Variants in FMN1 observed in about 807,000 individuals in gnomAD.
FMN1 encodes formin-1.
Under a neutral mutation model 132.4 loss-of-function variants are expected in FMN1, and 110 were observed. The observed-to-expected ratio is 0.83, with a 90% CI of 0.71 to 0.97. FMN1 has a LOEUF of 0.97. FMN1 is among the 50% of genes least tolerant of loss of function. The pLI, the probability that FMN1 is intolerant of heterozygous loss-of-function variation, is 0.00. For synonymous variants in FMN1, 722 were observed against 651.7 expected, an observed-to-expected ratio of 1.11 and a Z score of -1.64; for missense variants, 1,792 against 1,705.3, an observed-to-expected ratio of 1.05 and a Z score of -0.90.
At position 32,767,861 on chromosome 15, in the gene FMN1, G is replaced by GT. The variant is rs899144866; in HGVS notation, c.*6448dup. 2.1e-4 allele frequency: 32 copies of GT among 152,142 alleles called. No individual in the cohort carries two copies. The highest frequency in any genetic ancestry group is 6.8e-4 in the African/African-American group (28 of 41,432). 9.4% of individuals were successfully genotyped at this position (152,142 alleles called of 1,614,324 possible). ...GACTTTCCCTCTCACTCATGGATTT[G>GT]TTTTCAATGGAAATGGAAGCCTTCC... On this transcript the variant is annotated 3_prime_UTR_variant, in exon 21 of 21. Coordinates refer to ENST00000616417, the MANE Select transcript of FMN1 (RefSeq NM_001277313.2).
intron 19 of FMN1, among the ~76,000 whole-genome samples, chr15:32,788,082 G>C (rs2056940647): frequency 6.6e-6 from 1 of 152,194 alleles, no homozygotes; most frequent in African/African-American, 2.4e-5. Context: ...TTGACTTCAA[G>C]TGATTAATTG....
intron 5 of FMN1, among the ~76,000 whole-genome samples, chr15:33,065,624 T>C (rs1157732475): frequency 2.0e-5 from 3 of 152,206 alleles, no homozygotes; most frequent in African/African-American, 7.2e-5. Flanking sequence ...TAGGAGAATG[T>C]TATATTGTGC....
At chr15:33,170,616 AC>A (rs987000790) in intron 3 of FMN1, among the ~76,000 whole-genome samples, 5 of 152,094 alleles carry the variant, frequency 3.3e-5, no homozygotes, top group African/African-American at 1.2e-4. Context: ...CAAAAGACAT[AC>A]AAACGCCCAA....
intron 17 of FMN1, among the ~76,000 whole-genome samples, chr15:32,850,795 T>A (rs945365102): frequency 1.3e-5 from 2 of 152,250 alleles, no homozygotes; most frequent in Admixed American, 1.3e-4. Context: ...ATTTATCTAT[T>A]TTTTACTAGA....
intron 17 of FMN1, among the ~76,000 whole-genome samples, chr15:32,848,637 T>G (rs2058919576): frequency 6.6e-6 from 1 of 152,278 alleles, no homozygotes; most frequent in South Asian, 2.1e-4. Flanking sequence ...GGGACCCCAG[T>G]TGGTATAATG....
chr15:32,910,518 C>CA lies in FMN1; in HGVS notation c.3243dup (p.Asp1082Ter). 6.3e-7 allele frequency: 1 copy of CA among 1,575,592 alleles called. No homozygotes were observed. Among genetic ancestry groups the CA allele is most frequent in the Non-Finnish European group, 8.6e-7 (1 of 1,159,954 alleles). ...AGGGTCTCCAGATCAACCACGGAGT[C>CA]ATCCACATTGAAAATGGCTGCCAAG... On this transcript the variant is annotated frameshift_variant, in exon 11 of 21. Transcript: ENST00000616417. LOFTEE classifies it high-confidence loss of function.
intron 6 of FMN1, among the ~76,000 whole-genome samples, chr15:33,013,949 G>A (rs1419257672): frequency 6.6e-6 from 1 of 152,200 alleles, no homozygotes; most frequent in African/African-American, 2.4e-5. Flanking sequence ...ATATCGCTAT[G>A]ACTAATTCAT....
At chr15:33,078,640 G>T (rs1296273893) in intron 5 of FMN1, among the ~76,000 whole-genome samples, 1 of 126,570 alleles carries the variant, frequency 7.9e-6, no homozygotes. Flanking sequence ...AATCCAAAAG[G>T]CAACAAAAAA....
chr15:32,872,040 CT>C (rs11311528), intron 16 of FMN1, among the ~76,000 whole-genome samples: 4,523 of 140,456 alleles, frequency 0.032, 183 homozygotes, highest in African/African-American at 0.1. Flanking sequence ...GAAAGTAGCT[CT>C]TTTTTTTTTT....
intron 17 of FMN1, among the ~76,000 whole-genome samples, chr15:32,841,940 G>C (rs746062412): frequency 2.6e-5 from 4 of 152,126 alleles, no homozygotes; most frequent in Non-Finnish European, 5.9e-5. Context: ...TCCAGATATC[G>C]AGAGACACAA....
At chr15:32,780,936 G>T (rs1414190598) in intron 19 of FMN1, among the ~76,000 whole-genome samples, 1 of 152,114 alleles carries the variant, frequency 6.6e-6, no homozygotes, top group African/African-American at 2.4e-5. Context: ...ACATATGAAA[G>T]TATTCAAAAT....
chr15:32,802,155 T>TATA (rs1005116269), intron 18 of FMN1, among the ~76,000 whole-genome samples: 68 of 152,376 alleles, frequency 4.5e-4, no homozygotes, highest in African/African-American at 1.6e-3. Context: ...TTTGGTTTTA[T>TATA]ATAACTTTTT....
intron 19 of FMN1, among the ~76,000 whole-genome samples, chr15:32,778,027 TTATTATA>T (rs1239506869): frequency 0.026 from 4 of 154 alleles, 2 homozygotes; most frequent in East Asian, 0.5. Context: ...TATAATACAT[TTATTATA>T]TATTATGTAT....
intron 7 of FMN1, among the ~76,000 whole-genome samples, chr15:32,996,987 G>C (rs2033810070): frequency 6.6e-6 from 1 of 152,182 alleles, no homozygotes; most frequent in Non-Finnish European, 1.5e-5. Flanking sequence ...TCGTAACGAA[G>C]AAGTAAGGAG....
chr15:32,923,575 T>C (rs927049404), intron 10 of FMN1, among the ~76,000 whole-genome samples: 1 of 152,212 alleles, frequency 6.6e-6, no homozygotes, highest in Non-Finnish European at 1.5e-5. Context: ...GGACTAGAAG[T>C]CTGTGATGCT....
In FMN1 at chr15:33,150,918, T is replaced by C. The variant is rs942391035; in HGVS notation, c.1867+2130A>G. 4 of 1,023,476 alleles carry C rather than the reference T, an allele frequency of 3.9e-6. No homozygotes were observed. In the African/African-American group the frequency reaches 6.8e-5, roughly 17 times the overall value. The allele number at this position is 1,023,476 out of a possible 1,614,324, so 63.4% of individuals were successfully genotyped here. On this transcript the variant is annotated intron_variant, in intron 4 of 20. Coordinates refer to ENST00000616417, the MANE Select transcript of FMN1 (RefSeq NM_001277313.2). The stretch of plus-strand genomic sequence containing the variant: ...ATGGTAAATGAATTATTCACCCCTC[T>C]TTCTGGACTGCTGGCAACTCTCTGA...
chr15:33,060,294 G>C (rs182496778), intron 6 of FMN1, among the ~76,000 whole-genome samples: 43 of 152,288 alleles, frequency 2.8e-4, no homozygotes, highest in African/African-American at 9.9e-4. Context: ...TATGAATGCA[G>C]AAATTAAAAC....
intron 4 of FMN1, among the ~76,000 whole-genome samples, chr15:33,104,045 TAAC>T (rs1464985999): frequency 6.6e-6 from 1 of 152,120 alleles, no homozygotes; most frequent in Non-Finnish European, 1.5e-5. Context: ...TCCTTAAAGT[TAAC>T]AAAATCTGTA....
intron 4 of FMN1, among the ~76,000 whole-genome samples, chr15:33,144,616 C>T (rs113907625): frequency 0.28 from 37,796 of 136,268 alleles, 5,515 homozygotes; most frequent in Middle Eastern, 0.38. Flanking sequence ...CCAGCCTGGG[C>T]GACAGAGCTA....
Sources: gnomAD v4.1 joint callset for allele counts (sites outside exome capture counted in the v4.1 genomes callset) on GRCh38, gnomAD v4.1.1 for gene constraint, MANE v1.5 for transcripts, NCBI Gene and HGNC (gene_info 2026-07-23, HGNC 2026-07-21) for gene names.